Variants in IL1RAPL2 observed in about 807,000 individuals in gnomAD.
IL1RAPL2 encodes X-linked interleukin-1 receptor accessory protein-like 2.
IL1RAPL2 carries 3 observed loss-of-function variants against 44.1 expected under a neutral mutation model. That is an observed-to-expected ratio of 0.07 (90% CI 0.03 to 0.18). The LOEUF (loss-of-function observed/expected upper bound fraction) is 0.18, where lower values mean the gene tolerates loss of function less well. Ranked by LOEUF, IL1RAPL2 falls within the 10% of genes least tolerant of loss-of-function variation. IL1RAPL2 has a pLI of 1.00. For synonymous variants in IL1RAPL2, 181 were observed against 178.8 expected, an observed-to-expected ratio of 1.01 and a Z score of -0.10; for missense variants, 391 against 496.4, an observed-to-expected ratio of 0.79 and a Z score of 2.02.
intron 3 of IL1RAPL2, among the ~76,000 whole-genome samples, chrX:105,233,418 C>A (rs989392426): frequency 8.9e-6 from 1 of 112,273 alleles, no homozygotes; most frequent in Non-Finnish European, 1.9e-5. Flanking sequence ...ATTAAACTAT[C>A]CCTGTAGTAA....
chrX:105,081,699 G>T (rs1165345266), intron 2 of IL1RAPL2, among the ~76,000 whole-genome samples: 1 of 111,635 alleles, frequency 9.0e-6, no homozygotes, highest in Non-Finnish European at 1.9e-5. Context: ...GTTGAATTTT[G>T]TTGAAGGCAT....
chrX:104,671,123 T>A (rs931617098), intron 2 of IL1RAPL2, among the ~76,000 whole-genome samples: 8 of 110,993 alleles, frequency 7.2e-5, no homozygotes, highest in African/African-American at 2.6e-4. Flanking sequence ...TATATAAATA[T>A]AAAAACACGT....
chrX:104,958,518 A>G (rs1438915275), intron 2 of IL1RAPL2, among the ~76,000 whole-genome samples: 1 of 101,913 alleles, frequency 9.8e-6, no homozygotes, highest in Non-Finnish European at 2.0e-5. Flanking sequence ...TCTCTTTTGT[A>G]AACCTGACCA....
intron 3 of IL1RAPL2, among the ~76,000 whole-genome samples, chrX:105,212,998 G>A (rs1364199871): frequency 1.8e-5 from 2 of 111,754 alleles, no homozygotes; most frequent in Non-Finnish European, 3.8e-5. Context: ...AAGATTAAAC[G>A]TGGATAAATC....
At chrX:105,076,321 A>C (rs1466290972) in intron 2 of IL1RAPL2, among the ~76,000 whole-genome samples, 2 of 111,504 alleles carry the variant, frequency 1.8e-5, no homozygotes, top group Non-Finnish European at 3.8e-5. Context: ...ATTCAGGAGC[A>C]GGTTGTTCAG....
At chrX:104,637,098 G>A (rs1929829091) in intron 1 of IL1RAPL2, among the ~76,000 whole-genome samples, 1 of 109,838 alleles carries the variant, frequency 9.1e-6, no homozygotes, top group Non-Finnish European at 1.9e-5. Flanking sequence ...ATTGTAAGTG[G>A]AACTAACATT....
chrX:105,409,829 T>TAGACAGACAGAC (rs1819922354), intron 5 of IL1RAPL2, among the ~76,000 whole-genome samples: 2 of 93,977 alleles, frequency 2.1e-5, no homozygotes, highest in South Asian at 1.2e-3. Flanking sequence ...GATAGATAGA[T>TAGACAGACAGAC]AGATAGATAG....
intron 2 of IL1RAPL2, among the ~76,000 whole-genome samples, chrX:104,842,091 T>C (rs2147635928): frequency 9.1e-6 from 1 of 110,388 alleles, no homozygotes; most frequent in African/African-American, 3.3e-5. Flanking sequence ...TCATTCCTTT[T>C]CATTTTTTTT....
At chrX:104,675,448 A>G (rs1222934352) in intron 2 of IL1RAPL2, among the ~76,000 whole-genome samples, 5 of 111,513 alleles carry the variant, frequency 4.5e-5, no homozygotes, top group Admixed American at 9.5e-5. Context: ...GTTTGATTGC[A>G]CTGTGGTCTG....
At chrX:104,963,932 T>TGA (rs1287519210) in intron 2 of IL1RAPL2, among the ~76,000 whole-genome samples, 4 of 81,218 alleles carry the variant, frequency 4.9e-5, no homozygotes, top group African/African-American at 1.9e-4. Flanking sequence ...TGTGTGTGTG[T>TGA]GTGAGAGAGA....
At chrX:105,484,531 C>A in intron 6 of IL1RAPL2, 144 bp downstream of exon 6, 1 of 473,156 alleles carries the variant, frequency 2.1e-6, no homozygotes, top group Admixed American at 3.2e-5. Context: ...CCCTGGAGTT[C>A]AGTGCGATAG....
chrX:105,731,689 G>A (rs1008425705), intron 7 of IL1RAPL2, among the ~76,000 whole-genome samples: 8 of 111,211 alleles, frequency 7.2e-5, no homozygotes, highest in African/African-American at 2.6e-4. Flanking sequence ...AAGTCATTAT[G>A]TTAAGTGAAA....
intron 1 of IL1RAPL2, among the ~76,000 whole-genome samples, chrX:104,606,998 G>T (rs1342490547): frequency 8.9e-6 from 1 of 111,750 alleles, no homozygotes; most frequent in Non-Finnish European, 1.9e-5. Context: ...ATACTACAAA[G>T]CTACCATAAT....
chrX:105,172,175 A>G lies in IL1RAPL2; in HGVS notation c.83-23300A>G, dbSNP rs749777789. Among the ~76,000 whole-genome samples, 11 of 112,492 alleles carry G rather than the reference A, an allele frequency of 9.8e-5. No homozygotes were observed. In the South Asian group the frequency reaches 4.0e-3, roughly 41 times the overall value. Reference sequence around the variant, plus strand: ...TGGACAAAACGAATCATCCTCCTGAATGGATGAGGAGAGGAACTGATATGT... The same window carrying G: ...TGGACAAAACGAATCATCCTCCTGAGTGGATGAGGAGAGGAACTGATATGT... On this transcript the variant is annotated intron_variant, in intron 2 of 10. Coordinates refer to ENST00000372582, the MANE Select transcript of IL1RAPL2 (RefSeq NM_017416.2).
At chrX:105,505,303 C>A (rs769418130) in intron 6 of IL1RAPL2, among the ~76,000 whole-genome samples, 1 of 111,964 alleles carries the variant, frequency 8.9e-6, no homozygotes, top group African/African-American at 3.2e-5. Context: ...GGTTTCTTCT[C>A]TCATGGTGAT....
chrX:105,327,242 C>T (rs1030883664), intron 5 of IL1RAPL2, among the ~76,000 whole-genome samples: 10 of 111,791 alleles, frequency 8.9e-5, no homozygotes, highest in African/African-American at 2.9e-4. Context: ...GATTTTAGTG[C>T]ACAGAAGCTA....
At chrX:104,761,777 C>G (rs1932432070) in intron 2 of IL1RAPL2, among the ~76,000 whole-genome samples, 1 of 110,241 alleles carries the variant, frequency 9.1e-6, no homozygotes, top group Non-Finnish European at 1.9e-5. Flanking sequence ...CATGCAAGTC[C>G]AAAATCCAGC....
chrX:104,592,390 C>G (rs755058747), intron 1 of IL1RAPL2, among the ~76,000 whole-genome samples: 176 of 110,418 alleles, frequency 1.6e-3, no homozygotes, highest in Non-Finnish European at 2.8e-3. Flanking sequence ...TTGAGACTGT[C>G]TACTCCAAGA....
At chrX:104,854,211 A>T (rs1272751665) in intron 2 of IL1RAPL2, among the ~76,000 whole-genome samples, 1 of 111,765 alleles carries the variant, frequency 8.9e-6, no homozygotes, top group African/African-American at 3.3e-5. Context: ...CAGTTACTTA[A>T]CTCAGGTCTT....
Sources: gnomAD v4.1 joint callset for allele counts (sites outside exome capture counted in the v4.1 genomes callset) on GRCh38, gnomAD v4.1.1 for gene constraint, MANE v1.5 for transcripts, NCBI Gene and HGNC (gene_info 2026-07-23, HGNC 2026-07-21) for gene names.